GPC6: variants seen among roughly 807,000 people sequenced by gnomAD.
The protein encoded by GPC6 is glypican-6.
In GPC6, 14 loss-of-function variants were observed where a neutral mutation model predicts 55.2. The ratio of observed to expected loss-of-function variants is 0.25; its 90% CI spans 0.17 to 0.40. GPC6 has a LOEUF of 0.40. Among genes scored for constraint, GPC6 ranks in the 10% least tolerant of loss-of-function variants. The pLI, the probability that GPC6 is intolerant of heterozygous loss-of-function variation, is 1.00. For missense variants in GPC6, 641 were observed against 708.5 expected, an observed-to-expected ratio of 0.90 and a Z score of 1.08; for synonymous variants, 278 against 259.6, an observed-to-expected ratio of 1.07 and a Z score of -0.68.
intron 3 of GPC6, among the ~76,000 whole-genome samples, chr13:93,991,022 T>A (rs1881281990): frequency 6.6e-6 from 1 of 151,828 alleles, no homozygotes; most frequent in South Asian, 2.1e-4. Flanking sequence ...TGTTATATTT[T>A]ACTGATATTT....
chr13:94,352,464 G>A (rs1346932206), intron 6 of GPC6, among the ~76,000 whole-genome samples: 1 of 152,090 alleles, frequency 6.6e-6, no homozygotes, highest in African/African-American at 2.4e-5. Context: ...GGGAGGCACT[G>A]TAGGAGCTCC....
At chr13:93,552,247 T>G (rs1425074220) in intron 2 of GPC6, among the ~76,000 whole-genome samples, 1 of 152,192 alleles carries the variant, frequency 6.6e-6, no homozygotes, top group Non-Finnish European at 1.5e-5. Flanking sequence ...AAAGGGCAGA[T>G]CTTCCAAAAA....
At chr13:94,002,755 A>G (rs952047977) in intron 3 of GPC6, among the ~76,000 whole-genome samples, 1 of 152,180 alleles carries the variant, frequency 6.6e-6, no homozygotes, top group Admixed American at 6.5e-5. Flanking sequence ...ATTTTTGCCT[A>G]TAATTAGTGG....
intron 3 of GPC6, among the ~76,000 whole-genome samples, chr13:94,025,310 A>G (rs1882852170): frequency 6.6e-6 from 1 of 152,236 alleles, no homozygotes; most frequent in Non-Finnish European, 1.5e-5. Context: ...AACCATGCCC[A>G]GTAAGTTTGC....
chr13:93,933,231 G>A lies in GPC6; in HGVS notation c.712-94498G>A, dbSNP rs148521686. ...CCCCAGGGGCCATTTAGAAATGTCT[G>A]GAGACATTTTTGGGTTGTGCTTTAC... On this transcript the variant is annotated intron_variant, in intron 3 of 8. Transcript: ENST00000377047. 2.1e-3 allele frequency among the ~76,000 whole-genome samples: 321 copies of A among 152,178 alleles called. 1 individual carries two copies. Among genetic ancestry groups the A allele is most frequent in the African/African-American group, 7.4e-3 (308 of 41,520 alleles).
intron 3 of GPC6, among the ~76,000 whole-genome samples, chr13:93,987,106 C>G (rs868171270): frequency 3.9e-5 from 6 of 152,100 alleles, no homozygotes; most frequent in African/African-American, 1.4e-4. Flanking sequence ...CTAATACGCT[C>G]TCTCATGAGA....
chr13:93,761,418 G>A (rs146574539), intron 2 of GPC6, among the ~76,000 whole-genome samples: 12 of 152,306 alleles, frequency 7.9e-5, no homozygotes, highest in African/African-American at 2.4e-4. Context: ...TCAGAAGTCT[G>A]TGTCATGCTT....
At chr13:94,301,367 A>C (rs1284955800) in intron 5 of GPC6, among the ~76,000 whole-genome samples, 1 of 152,124 alleles carries the variant, frequency 6.6e-6, no homozygotes, top group South Asian at 2.1e-4. Flanking sequence ...ATTGCACTCC[A>C]GTCTGGGCAA....
intron 2 of GPC6, among the ~76,000 whole-genome samples, chr13:93,740,587 T>C (rs1305059319): frequency 6.6e-6 from 1 of 152,224 alleles, no homozygotes; most frequent in Non-Finnish European, 1.5e-5. Context: ...TGTTGTACCA[T>C]GACAGTATCA....
chr13:93,755,720 G>C (rs933902277), intron 2 of GPC6, among the ~76,000 whole-genome samples: 6 of 152,166 alleles, frequency 3.9e-5, no homozygotes, highest in Non-Finnish European at 5.9e-5. Flanking sequence ...CACACATTCT[G>C]TTCTTCCATA....
chr13:93,898,244 T>C (rs1329401721), intron 3 of GPC6, among the ~76,000 whole-genome samples: 1 of 152,268 alleles, frequency 6.6e-6, no homozygotes, highest in African/African-American at 2.4e-5. Flanking sequence ...ACTGGCCTTA[T>C]TGGTCACCGT....
chr13:94,040,343 G>A (rs1156263642), intron 4 of GPC6, among the ~76,000 whole-genome samples: 1 of 151,658 alleles, frequency 6.6e-6, no homozygotes, highest in Non-Finnish European at 1.5e-5. Flanking sequence ...TTATTCATTG[G>A]TTTCTGGACA....
At chr13:94,277,117 G>A (rs4773783) in intron 4 of GPC6, among the ~76,000 whole-genome samples, 21,205 of 152,062 alleles carry the variant, frequency 0.14, 1,570 homozygotes, top group East Asian at 0.3. Flanking sequence ...TGACTTTTTA[G>A]CAATTGTCAT....
chr13:93,274,494 T>G (rs1212453099), intron 1 of GPC6, among the ~76,000 whole-genome samples: 2 of 152,216 alleles, frequency 1.3e-5, no homozygotes, highest in African/African-American at 4.8e-5. Flanking sequence ...GAGATTTCAT[T>G]CTAAAACATT....
chr13:93,690,419 A>T (rs1161645937), intron 2 of GPC6, among the ~76,000 whole-genome samples: 2 of 152,054 alleles, frequency 1.3e-5, no homozygotes, highest in Non-Finnish European at 2.9e-5. Context: ...TGATAAAGTG[A>T]GCGAAATGGG....
At chr13:93,980,348 A>G (rs1481449406) in intron 3 of GPC6, among the ~76,000 whole-genome samples, 2 of 152,184 alleles carry the variant, frequency 1.3e-5, no homozygotes, top group Non-Finnish European at 2.9e-5. Flanking sequence ...TTGCTGAGCC[A>G]TAAAAGGATG....
chr13:94,394,257 T>C (rs1460433462), intron 7 of GPC6, among the ~76,000 whole-genome samples: 2 of 152,238 alleles, frequency 1.3e-5, no homozygotes, highest in African/African-American at 2.4e-5. Flanking sequence ...TGTTCATGAA[T>C]GCCACCCACT....
intron 2 of GPC6, among the ~76,000 whole-genome samples, chr13:93,820,392 A>T (rs971718224): frequency 2.0e-5 from 3 of 152,030 alleles, no homozygotes; most frequent in Non-Finnish European, 4.4e-5. Flanking sequence ...ACACATTGAG[A>T]GTAATATAAT....
intron 1 of GPC6, among the ~76,000 whole-genome samples, chr13:93,347,607 G>C (rs777817571): frequency 3.9e-5 from 6 of 152,154 alleles, no homozygotes; most frequent in Non-Finnish European, 7.4e-5. Flanking sequence ...GAACAAACGT[G>C]CTAGCCAGTA....
Sources: allele counts gnomAD v4.1 joint callset (sites outside exome capture counted in the v4.1 genomes callset), GRCh38; gene constraint gnomAD v4.1.1; transcripts MANE v1.5; gene names NCBI Gene and HGNC (gene_info 2026-07-23, HGNC 2026-07-21).